Variants in KIAA1549L observed in about 807,000 individuals in gnomAD.
The protein encoded by KIAA1549L is KIAA1549 like, also known as UPF0606 protein KIAA1549L.
A neutral mutation model predicts 160.7 loss-of-function variants in KIAA1549L; 88 were observed. The ratio of observed to expected loss-of-function variants is 0.55; its 90% CI spans 0.46 to 0.65. The LOEUF (loss-of-function observed/expected upper bound fraction) is 0.65. Among genes scored for constraint, KIAA1549L ranks in the 30% least tolerant of loss-of-function variants. The pLI is 0.00. For missense variants in KIAA1549L, 2,258 were observed against 2,437.5 expected (o/e 0.93, Z 1.55); for synonymous variants, 950 against 976.7 (o/e 0.97, Z 0.51).
At chr11:33,498,920 G>A (rs1852881813) in intron 1 of KIAA1549L, among the ~76,000 whole-genome samples, 1 of 152,192 alleles carries the variant, frequency 6.6e-6, no homozygotes, top group Non-Finnish European at 1.5e-5. Context: ...TGATGGTGAT[G>A]GGGTGGGAGA....
intron 1 of KIAA1549L, among the ~76,000 whole-genome samples, chr11:33,524,402 G>C (rs1356015142): frequency 6.6e-6 from 1 of 151,672 alleles, no homozygotes; most frequent in Non-Finnish European, 1.5e-5. Flanking sequence ...TCTTCCAAAA[G>C]ACCCAAAGAG....
intron 16 of KIAA1549L, among the ~76,000 whole-genome samples, chr11:33,633,139 CTTTTTTTTTTTT>C (rs56310347): frequency 1.5e-3 from 75 of 50,738 alleles, no homozygotes; most frequent in African/African-American, 4.6e-3. Context: ...CCATGCCCAG[CTTTTTTTTTTTT>C]TTTTTTTTTT....
intron 1 of KIAA1549L, among the ~76,000 whole-genome samples, chr11:33,414,160 T>C (rs929726411): frequency 1.3e-5 from 2 of 152,218 alleles, no homozygotes; most frequent in African/African-American, 4.8e-5. Context: ...AGCCTAGAAG[T>C]CTATTAAAAT....
chr11:33,411,346 C>T (rs1383592941), intron 1 of KIAA1549L, among the ~76,000 whole-genome samples: 2 of 152,166 alleles, frequency 1.3e-5, no homozygotes, highest in Admixed American at 6.5e-5. Context: ...TTTTAGAAAT[C>T]ATGGCATCCT....
At chr11:33,616,937 G>A (rs561078093) in intron 15 of KIAA1549L, among the ~76,000 whole-genome samples, 2 of 152,098 alleles carry the variant, frequency 1.3e-5, no homozygotes, top group East Asian at 3.9e-4. Context: ...CCCAGAATTC[G>A]AGACCAGCCT....
chr11:33,617,070 G>A (rs1437155843), intron 15 of KIAA1549L, among the ~76,000 whole-genome samples: 1 of 151,040 alleles, frequency 6.6e-6, no homozygotes, highest in Non-Finnish European at 1.5e-5. Context: ...AATCCAAGGA[G>A]GTCAAGGCTG....
intron 16 of KIAA1549L, among the ~76,000 whole-genome samples, chr11:33,627,623 G>A (rs7108069): frequency 6.6e-6 from 1 of 151,998 alleles, no homozygotes; most frequent in Non-Finnish European, 1.5e-5. Flanking sequence ...TCATTTTTTA[G>A]TGTGTCTATT....
intron 1 of KIAA1549L, among the ~76,000 whole-genome samples, chr11:33,402,795 T>C (rs1466824113): frequency 6.6e-6 from 1 of 151,708 alleles, no homozygotes; most frequent in Non-Finnish European, 1.5e-5. Context: ...CAGGTGTGCT[T>C]GGCTCACTCC....
At chr11:33,499,873 A>G (rs1033325847) in intron 1 of KIAA1549L, among the ~76,000 whole-genome samples, 2 of 152,236 alleles carry the variant, frequency 1.3e-5, no homozygotes, top group African/African-American at 4.8e-5. Context: ...GGTCCTGGCC[A>G]TTAGATAAGT....
At chr11:33,509,513 C>T (rs1202048753) in intron 1 of KIAA1549L, among the ~76,000 whole-genome samples, 2 of 152,072 alleles carry the variant, frequency 1.3e-5, no homozygotes, top group Admixed American at 6.6e-5. Context: ...AGGACCCACT[C>T]GGGAAGTGAA....
intron 1 of KIAA1549L, among the ~76,000 whole-genome samples, chr11:33,477,178 G>T (rs1368395081): frequency 2.0e-5 from 3 of 152,136 alleles, no homozygotes; most frequent in Non-Finnish European, 4.4e-5. Context: ...AGCTAAGTCA[G>T]CCTGCTTCTC....
chr11:33,496,685 C>G (rs949413329), intron 1 of KIAA1549L, among the ~76,000 whole-genome samples: 1 of 152,156 alleles, frequency 6.6e-6, no homozygotes, highest in Non-Finnish European at 1.5e-5. Flanking sequence ...ACCCCACTGC[C>G]CAGCTGCCCA....
At chr11:33,654,621 G>C (rs1005324863) in intron 17 of KIAA1549L, among the ~76,000 whole-genome samples, 1 of 152,138 alleles carries the variant, frequency 6.6e-6, no homozygotes, top group African/African-American at 2.4e-5. Context: ...ACCTCACCTC[G>C]TTCTGTTCCA....
rs147895892 is a variant in KIAA1549L, at chr11:33,407,483, G to A, written c.238+30594G>A. Among the ~76,000 whole-genome samples, 96 of 152,138 alleles carry A rather than the reference G, an allele frequency of 6.3e-4. 1 individual carries two copies. In the East Asian group the frequency reaches 0.016, roughly 26 times the overall value. On this transcript the variant is annotated intron_variant, in intron 1 of 20. Coordinates refer to ENST00000658780, the MANE Select transcript of KIAA1549L (RefSeq NM_012194.3). ...CAGTCTGCAAGCCTGCGAGTAGCTGGGATTACAGGCACGCGCCACCGTGCC... is the reference window on the plus strand; with the variant it reads ...CAGTCTGCAAGCCTGCGAGTAGCTGAGATTACAGGCACGCGCCACCGTGCC...
chr11:33,389,805 C>T (rs1355752852), intron 1 of KIAA1549L, among the ~76,000 whole-genome samples: 1 of 152,232 alleles, frequency 6.6e-6, no homozygotes, highest in Non-Finnish European at 1.5e-5. Flanking sequence ...CTATTTGAAT[C>T]TCACACTACT....
At chr11:33,636,845 A>C (rs1851451317) in intron 16 of KIAA1549L, among the ~76,000 whole-genome samples, 2 of 152,258 alleles carry the variant, frequency 1.3e-5, no homozygotes, top group Middle Eastern at 6.8e-3. Context: ...CCCTGAGGAT[A>C]AGGGAGACTA....
chr11:33,550,703 A>G (rs1405940677), intron 4 of KIAA1549L, among the ~76,000 whole-genome samples: 4 of 152,214 alleles, frequency 2.6e-5, no homozygotes, highest in Non-Finnish European at 5.9e-5. Context: ...CCAGCATTTC[A>G]TTCACTGAAA....
chr11:33,618,522 A>AT lies in KIAA1549L; in HGVS notation c.5280-7dup, dbSNP rs751701468. 1.9e-6 allele frequency: 3 copies of AT among 1,598,176 alleles called. No homozygotes were observed. The South Asian group carries it at 3.3e-5, about 18-fold the overall frequency. On this transcript the variant is annotated splice_polypyrimidine_tract_variant and intron_variant, in intron 15 of 20. Coordinates refer to ENST00000658780, the MANE Select transcript of KIAA1549L (RefSeq NM_012194.3). ...TTTGCTGCATCATAACAGTTGTTGA[A>AT]TTTTCTTCAGGCAACAGATGAAGAA...
intron 1 of KIAA1549L, among the ~76,000 whole-genome samples, chr11:33,393,011 A>C (rs930396760): frequency 7.2e-5 from 11 of 152,102 alleles, no homozygotes; most frequent in African/African-American, 2.7e-4. Context: ...TCCCCCTTTA[A>C]ACCAGCCTCG....
Sources: allele counts gnomAD v4.1 joint callset (sites outside exome capture counted in the v4.1 genomes callset), GRCh38; gene constraint gnomAD v4.1.1; transcripts MANE v1.5; gene names NCBI Gene and HGNC (gene_info 2026-07-23, HGNC 2026-07-21).